Variants in MEGF9 observed in about 807,000 individuals in gnomAD.
The protein encoded by MEGF9 is multiple epidermal growth factor-like domains protein 9.
A neutral mutation model predicts 46.8 loss-of-function variants in MEGF9; 6 were observed. That is an observed-to-expected ratio of 0.13 (90% confidence interval 0.07 to 0.25). The LOEUF (loss-of-function observed/expected upper bound fraction) is 0.25. Ranked by LOEUF, MEGF9 falls within the 10% of genes least tolerant of loss-of-function variation. The pLI, the probability that MEGF9 is intolerant of heterozygous loss-of-function variation, is 1.00. For missense variants in MEGF9, 683 were observed against 792.4 expected, an observed-to-expected ratio of 0.86 and a Z score of 1.66; for synonymous variants, 302 against 330.7, an observed-to-expected ratio of 0.91 and a Z score of 0.94.
chr9:120,626,733 G>C (rs2043527156), intron 2 of MEGF9, among the ~76,000 whole-genome samples: 1 of 152,200 alleles, frequency 6.6e-6, no homozygotes, highest in South Asian at 2.1e-4. Context: ...CGAGGAAACA[G>C]AGTTTGGTTC....
chr9:120,637,260 C>T (rs993605530), intron 2 of MEGF9, among the ~76,000 whole-genome samples: 9 of 152,058 alleles, frequency 5.9e-5, no homozygotes, highest in African/African-American at 1.9e-4. Context: ...TCCCTAATGT[C>T]AAGTACCCAG....
At chr9:120,700,583 A>C (rs2043899497) in intron 1 of MEGF9, among the ~76,000 whole-genome samples, 2 of 152,202 alleles carry the variant, frequency 1.3e-5, no homozygotes, top group African/African-American at 2.4e-5. Flanking sequence ...CCTCTCATCA[A>C]GACTCAATAA....
At chr9:120,708,324 C>G (rs541378646) in intron 1 of MEGF9, among the ~76,000 whole-genome samples, 1 of 152,248 alleles carries the variant, frequency 6.6e-6, no homozygotes, top group East Asian at 1.9e-4. Context: ...GAGATGGCAC[C>G]ACTGCACTCC....
chr9:120,711,844 T>TACACACACACAC lies in MEGF9; in HGVS notation c.601+1902_601+1913dup, dbSNP rs924373123. 6.9e-3 allele frequency among the ~76,000 whole-genome samples: 990 copies of TACACACACACAC among 143,532 alleles called. 11 individuals are homozygous for TACACACACACAC. The highest frequency in any genetic ancestry group is 0.023 in the African/African-American group (906 of 38,886). 94.2% of individuals were successfully genotyped at this position (143,532 alleles called of 152,430 possible). A position where few individuals can be genotyped will look rare whatever the true frequency, so the allele number is the denominator to read the frequency against. On this transcript the variant is annotated intron_variant, in intron 1 of 5. Transcript: ENST00000373930. ...CAAATGCTTTCTATACATACATACATACACACACACACACACACACACACA... is the reference window on the plus strand; with the variant it reads ...CAAATGCTTTCTATACATACATACATACACACACACACACACACACACACACACACACACACA...
chr9:120,648,959 C>G (rs979029777), intron 2 of MEGF9, among the ~76,000 whole-genome samples: 1 of 152,176 alleles, frequency 6.6e-6, no homozygotes, highest in South Asian at 2.1e-4. Flanking sequence ...TGTCCCTGAG[C>G]ATGGGATGGG....
chr9:120,640,355 A>C (rs1429347029), intron 2 of MEGF9, among the ~76,000 whole-genome samples: 1 of 152,026 alleles, frequency 6.6e-6, no homozygotes, highest in Non-Finnish European at 1.5e-5. Flanking sequence ...TTCTAATGTC[A>C]TATTCTCAAC....
At position 120,612,377 on chromosome 9, in the gene MEGF9, A is replaced by G. The variant is rs1229825898; in HGVS notation, c.1087+19T>C. 3.8e-6 allele frequency: 6 copies of G among 1,590,908 alleles called. No homozygotes were observed. The highest frequency in any genetic ancestry group is 5.1e-6 in the Non-Finnish European group (6 of 1,171,814). On this transcript the variant is annotated intron_variant, in intron 4 of 5. Coordinates refer to ENST00000373930, the MANE Select transcript of MEGF9 (RefSeq NM_001080497.3). The stretch of plus-strand genomic sequence containing the variant: ...ATTTTTTTTTCCCTCTAAAATGAAA[A>G]GTTAGAGAAAGGCCTTACTTATAGA...
chr9:120,637,192 G>A (rs1258092067), intron 2 of MEGF9, among the ~76,000 whole-genome samples: 1 of 151,888 alleles, frequency 6.6e-6, no homozygotes, highest in Non-Finnish European at 1.5e-5. Context: ...GGTGGTGCAA[G>A]ATGTGCTTTG....
intron 4 of MEGF9, among the ~76,000 whole-genome samples, chr9:120,610,788 C>T (rs542905760): frequency 4.0e-4 from 61 of 152,126 alleles, no homozygotes; most frequent in African/African-American, 1.4e-3. Flanking sequence ...TTGAATTGGG[C>T]CTTGCTAAGA....
chr9:120,618,301 A>G (rs2132302020), intron 3 of MEGF9, among the ~76,000 whole-genome samples: 1 of 152,304 alleles, frequency 6.6e-6, no homozygotes, highest in South Asian at 2.1e-4. Flanking sequence ...ACAAATAAGA[A>G]GGAAAAGCTG....
intron 2 of MEGF9, among the ~76,000 whole-genome samples, chr9:120,637,031 T>C (rs932788266): frequency 2.0e-5 from 3 of 152,206 alleles, no homozygotes; most frequent in Non-Finnish European, 4.4e-5. Context: ...CAGATTGTTA[T>C]TGTGTCTGTG....
At chr9:120,707,898 A>C (rs1365611179) in intron 1 of MEGF9, among the ~76,000 whole-genome samples, 2 of 152,180 alleles carry the variant, frequency 1.3e-5, no homozygotes, top group African/African-American at 4.8e-5. Context: ...CAAGAAAGTT[A>C]GCTGGGTATG....
At chr9:120,658,234 G>T (rs973066863) in intron 2 of MEGF9, among the ~76,000 whole-genome samples, 1 of 152,130 alleles carries the variant, frequency 6.6e-6, no homozygotes, top group African/African-American at 2.4e-5. Flanking sequence ...TGATCCACCC[G>T]CCTTGGCCTC....
rs556007314 is a variant in MEGF9 at position 120,690,176 on chromosome 9, C to T, written c.601+23582G>A. ...ACTTCATCAAGCACTATTACTTCTG[C>T]TGCTGAGGGAATGGCATACAAAACT... On this transcript the variant is annotated intron_variant, in intron 1 of 5. Coordinates refer to ENST00000373930, the MANE Select transcript of MEGF9 (RefSeq NM_001080497.3). Among the ~76,000 whole-genome samples, 249 of 152,270 alleles carry T rather than the reference C, an allele frequency of 1.6e-3. 2 individuals carry two copies. The highest frequency in any genetic ancestry group is 3.3e-3 in the South Asian group (16 of 4,830).
At chr9:120,677,011 C>T (rs1206891979) in intron 1 of MEGF9, among the ~76,000 whole-genome samples, 2 of 152,178 alleles carry the variant, frequency 1.3e-5, no homozygotes, top group African/African-American at 4.8e-5. Flanking sequence ...CATTTCACTT[C>T]ACTTCACCAC....
At chr9:120,645,337 A>C (rs1421775413) in intron 2 of MEGF9, among the ~76,000 whole-genome samples, 2 of 152,196 alleles carry the variant, frequency 1.3e-5, no homozygotes, top group African/African-American at 4.8e-5. Context: ...TCCTTGAAAG[A>C]ATGTGGCATT....
chr9:120,645,448 C>T (rs2132315224), intron 2 of MEGF9, among the ~76,000 whole-genome samples: 1 of 152,290 alleles, frequency 6.6e-6, no homozygotes, highest in South Asian at 2.1e-4. Context: ...ATCATCCATC[C>T]ATTAGGTTGT....
intron 2 of MEGF9, among the ~76,000 whole-genome samples, chr9:120,623,554 G>A (rs1454377766): frequency 6.6e-6 from 1 of 152,064 alleles, no homozygotes; most frequent in African/African-American, 2.4e-5. Context: ...TATAGGAGAT[G>A]TTTTTAAAAA....
intron 1 of MEGF9, 96 bp downstream of exon 1, chr9:120,713,660 TGG>T: frequency 8.1e-7 from 1 of 1,232,614 alleles, no homozygotes; most frequent in Non-Finnish European, 1.0e-6. Flanking sequence ...GGGGTGTCTT[TGG>T]GGTAACAAAC....
Sources: allele counts gnomAD v4.1 joint callset (sites outside exome capture counted in the v4.1 genomes callset), GRCh38; gene constraint gnomAD v4.1.1; transcripts MANE v1.5; gene names NCBI Gene and HGNC (gene_info 2026-07-23, HGNC 2026-07-21).